Variants in SMCHD1 observed in about 807,000 individuals in gnomAD.
SMCHD1 encodes structural maintenance of chromosomes flexible hinge domain containing 1, also known as structural maintenance of chromosomes flexible hinge domain-containing protein 1.
In SMCHD1, 78 loss-of-function variants were observed where a neutral mutation model predicts 254.7. The ratio of observed to expected loss-of-function variants is 0.31; its 90% CI spans 0.26 to 0.37. The LOEUF (loss-of-function observed/expected upper bound fraction) is 0.37, where lower values mean the gene tolerates loss of function less well. Among genes scored for constraint, SMCHD1 ranks in the 10% least tolerant of loss-of-function variants. The probability of loss-of-function intolerance (pLI) is 1.00; values close to 1 mark genes in which losing one functional copy is unlikely to be tolerated. For synonymous variants in SMCHD1, 766 were observed against 794.9 expected (o/e 0.96, Z 0.61); for missense variants, 1,840 against 2,408.1 (o/e 0.76, Z 4.94).
Position 2,700,589 on chromosome 18 carries a change from G to A in SMCHD1, c.1393G>A (p.Ala465Thr). The A allele has an allele frequency of 1.9e-6, 3 of 1,612,084 alleles. No homozygotes were observed. The highest frequency in any genetic ancestry group is 2.5e-6 in the Non-Finnish European group (3 of 1,178,770). Residue 465 changes from alanine (A) to threonine (T), a missense_variant, in exon 11 of 48, where the codon GCT (alanine) becomes ACT (threonine). Around this residue, in one of 9 missense-constraint regions of SMCHD1, gnomAD observed 498 missense variants for 743.5 expected, o/e 0.67. Transcript: ENST00000320876. The part of the protein sequence containing the change: ...EDDCFILEKA[A>T]RGKRPIFECF... Reference sequence around the variant, plus strand: ...TGATTGTTTCATACTTGAGAAAGCAGCTAGAGGGAAAAGGCCTATTTTTGA... The same window carrying A: ...TGATTGTTTCATACTTGAGAAAGCAACTAGAGGGAAAAGGCCTATTTTTGA...
At chr18:2,695,418 T>A (rs1285554734) in intron 8 of SMCHD1, among the ~76,000 whole-genome samples, 1 of 151,896 alleles carries the variant, frequency 6.6e-6, no homozygotes, top group Non-Finnish European at 1.5e-5. Flanking sequence ...CAAGTGATTC[T>A]CCTGCCTCAG....
chr18:2,699,169 C>T (rs1212204892), intron 10 of SMCHD1, among the ~76,000 whole-genome samples: 1 of 152,100 alleles, frequency 6.6e-6, no homozygotes, highest in African/African-American at 2.4e-5. Flanking sequence ...CAAACTACTC[C>T]CTGCCTTAGT....
chr18:2,662,873 CTT>C (rs1210596008), intron 1 of SMCHD1, among the ~76,000 whole-genome samples: 4 of 152,126 alleles, frequency 2.6e-5, no homozygotes, highest in Admixed American at 6.5e-5. Context: ...ATATGAGTAT[CTT>C]TTAAGTTTAC....
intron 2 of SMCHD1, 147 bp from the exon 3 acceptor site, chr18:2,666,723 A>G (rs2073449621): frequency 6.9e-6 from 4 of 577,286 alleles, no homozygotes; most frequent in South Asian, 6.0e-5. Flanking sequence ...TATCCTTAAC[A>G]TGACTTTGCT....
rs1424703560 is a variant in SMCHD1, at chr18:2,803,361, T to TAA, written c.*811_*812dup. 3 of 151,872 alleles carry TAA rather than the reference T, an allele frequency of 2.0e-5. No individual in the cohort carries two copies. Among genetic ancestry groups the TAA allele is most frequent in the Admixed American group, 2.0e-4 (3 of 15,252 alleles). The allele number at this position is 151,872 out of a possible 1,614,324, so 9.4% of individuals were successfully genotyped here. On this transcript the variant is annotated 3_prime_UTR_variant, in exon 48 of 48. Coordinates refer to ENST00000320876, the MANE Select transcript of SMCHD1 (RefSeq NM_015295.3). ...TTTTTTATTACTATTTTTAAGGGGT[T>TAA]AAAGAGAACATACATTCTCACATTA...
chr18:2,721,995 G>C (rs998580841), intron 19 of SMCHD1, among the ~76,000 whole-genome samples: 1 of 152,164 alleles, frequency 6.6e-6, no homozygotes, highest in African/African-American at 2.4e-5. Flanking sequence ...CAGGACTAGA[G>C]ACCACACTTT....
chr18:2,782,882 C>A (rs1377613164), intron 44 of SMCHD1, among the ~76,000 whole-genome samples: 1 of 151,416 alleles, frequency 6.6e-6, no homozygotes, highest in Non-Finnish European at 1.5e-5. Context: ...ACATATAAAC[C>A]CAAACCAAAA....
intron 41 of SMCHD1, among the ~76,000 whole-genome samples, chr18:2,774,433 A>G (rs2076033481): frequency 6.6e-6 from 1 of 151,936 alleles, no homozygotes; most frequent in Non-Finnish European, 1.5e-5. Flanking sequence ...TTTTTTTGAG[A>G]CAGGATCTCA....
At chr18:2,698,508 A>T (rs1177576817) in intron 10 of SMCHD1, among the ~76,000 whole-genome samples, 3 of 151,342 alleles carry the variant, frequency 2.0e-5, no homozygotes, top group African/African-American at 4.9e-5. Context: ...TCTTTTTTGT[A>T]TGTAGAGCAA....
intron 41 of SMCHD1, 45 bp downstream of exon 41, chr18:2,772,417 C>T (rs749564532): frequency 6.9e-7 from 1 of 1,455,386 alleles, no homozygotes; most frequent in Non-Finnish European, 9.1e-7. Context: ...ATTTTATTAT[C>T]TTGTTTGTTT....
chr18:2,697,347 C>G, intron 9 of SMCHD1: 1 of 363,660 alleles, frequency 2.7e-6, no homozygotes, highest in Non-Finnish European at 5.0e-6. Flanking sequence ...TTTTGTCTCT[C>G]TTCTGTGGAG....
intron 20 of SMCHD1, among the ~76,000 whole-genome samples, chr18:2,723,315 A>G (rs1486729143): frequency 6.6e-6 from 1 of 151,926 alleles, no homozygotes; most frequent in Non-Finnish European, 1.5e-5. Flanking sequence ...TGTTGTCTCT[A>G]GCTTAGTCAG....
rs562218984 is a variant in SMCHD1, at chr18:2,731,828, G to A, written c.3049-437G>A. On this transcript the variant is annotated intron_variant, in intron 24 of 47. Transcript: ENST00000320876. ...GGAGTTTGAGACCAGCCTGGCCAAC[G>A]TGGTGAAACCCATCTCTGCTGAAAA... Among the ~76,000 whole-genome samples the A allele has an allele frequency of 1.4e-3, 212 of 152,198 alleles. 1 individual carries two copies. Among genetic ancestry groups the A allele is most frequent in the African/African-American group, 4.7e-3 (195 of 41,526 alleles).
rs541974319 is a variant in SMCHD1 at position 2,684,519 on chromosome 18, A to G, written c.639-3875A>G. Among the ~76,000 whole-genome samples the G allele has an allele frequency of 3.3e-5, 5 of 152,228 alleles. No individual in the cohort carries two copies. The East Asian group carries it at 9.7e-4, about 29-fold the overall frequency. Reference sequence around the variant, plus strand: ...ATTTAAAGAGGGTTTCTTTTACGCTATAGATATTTGTGTCTTAATATTTAA... The same window carrying G: ...ATTTAAAGAGGGTTTCTTTTACGCTGTAGATATTTGTGTCTTAATATTTAA... On this transcript the variant is annotated intron_variant, in intron 5 of 47. Transcript: ENST00000320876.
intron 34 of SMCHD1, among the ~76,000 whole-genome samples, chr18:2,757,892 T>TA (rs2075712235): frequency 1.3e-5 from 2 of 151,996 alleles, no homozygotes; most frequent in Non-Finnish European, 2.9e-5. Flanking sequence ...TTATTATTAT[T>TA]TTTTTCTTGC....
At chr18:2,757,001 GTT>G (rs1195259981) in intron 34 of SMCHD1, among the ~76,000 whole-genome samples, 1 of 151,862 alleles carries the variant, frequency 6.6e-6, no homozygotes, top group African/African-American at 2.4e-5. Context: ...TATTTTATGT[GTT>G]TTATTTAATT....
At chr18:2,681,746 A>G (rs910951658) in intron 5 of SMCHD1, among the ~76,000 whole-genome samples, 34 of 152,276 alleles carry the variant, frequency 2.2e-4, no homozygotes, top group African/African-American at 7.9e-4. Flanking sequence ...GAGAGGTATG[A>G]CATTAGTTAG....
Position 2,802,754 on chromosome 18 carries a change from T to C in SMCHD1, c.*202T>C. The C allele has an allele frequency of 2.2e-6, 1 of 448,210 alleles. No homozygotes were observed. The highest frequency in any genetic ancestry group is 3.1e-4 in the Middle Eastern group (1 of 3,278). The allele number at this position is 448,210 out of a possible 1,614,324, so 27.8% of individuals were successfully genotyped here. A position where few individuals can be genotyped will look rare whatever the true frequency, so the allele number is the denominator to read the frequency against. ...TATGAATCTTACTGGACATTATGGA[T>C]TTACTGGAATTATTCCAGACATTAT... On this transcript the variant is annotated 3_prime_UTR_variant, in exon 48 of 48. Transcript: ENST00000320876.
At chr18:2,767,314 A>G (rs2075885875) in intron 37 of SMCHD1, among the ~76,000 whole-genome samples, 1 of 152,166 alleles carries the variant, frequency 6.6e-6, no homozygotes, top group African/African-American at 2.4e-5. Context: ...CAGAATTAAA[A>G]GAACAGTGAC....
Sources: gnomAD v4.1 joint callset for allele counts (sites outside exome capture counted in the v4.1 genomes callset) on GRCh38, gnomAD v4.1.1 for gene constraint, gnomAD v4.1.1 regional missense constraint, MANE v1.5 for transcripts, NCBI Gene and HGNC (gene_info 2026-07-23, HGNC 2026-07-21) for gene names.